Variants in CDH18 observed in about 807,000 individuals in gnomAD.
The protein encoded by CDH18 is cadherin-18.
A neutral mutation model predicts 67.9 loss-of-function variants in CDH18; 31 were observed. The ratio of observed to expected loss-of-function variants is 0.46; its 90% CI spans 0.34 to 0.62. The LOEUF (loss-of-function observed/expected upper bound fraction) is 0.62. Ranked by LOEUF, CDH18 falls within the 20% of genes least tolerant of loss-of-function variation. The probability of loss-of-function intolerance (pLI) is 0.01; values close to 1 mark genes in which losing one functional copy is unlikely to be tolerated. For synonymous variants in CDH18, 362 were observed against 347.2 expected (o/e 1.04, Z -0.48); for missense variants, 890 against 975.5 (o/e 0.91, Z 1.17).
chr5:20,058,997 T>C (rs1742233910), intron 2 of CDH18, among the ~76,000 whole-genome samples: 1 of 152,110 alleles, frequency 6.6e-6, no homozygotes, highest in South Asian at 2.1e-4. Context: ...TTGTTATTGG[T>C]CTATTCAGGG....
intron 1 of CDH18, among the ~76,000 whole-genome samples, chr5:20,380,311 T>G (rs1487113190): frequency 6.6e-6 from 1 of 152,176 alleles, no homozygotes; most frequent in African/African-American, 2.4e-5. Context: ...ATCCTAAACT[T>G]CATTTCTCTC....
At chr5:20,487,139 G>T (rs1334945940) in intron 1 of CDH18, among the ~76,000 whole-genome samples, 1 of 152,124 alleles carries the variant, frequency 6.6e-6, no homozygotes, top group East Asian at 1.9e-4. Context: ...GTGGTTGCAG[G>T]TTCTTGAAAC....
At chr5:20,431,793 CT>C (rs1225448909) in intron 1 of CDH18, among the ~76,000 whole-genome samples, 1 of 152,150 alleles carries the variant, frequency 6.6e-6, no homozygotes, top group Non-Finnish European at 1.5e-5. Context: ...ATAATCCTTT[CT>C]TCAAATAAAC....
At chr5:20,455,582 C>T (rs969599637) in intron 1 of CDH18, among the ~76,000 whole-genome samples, 12 of 151,822 alleles carry the variant, frequency 7.9e-5, no homozygotes, top group African/African-American at 2.7e-4. Context: ...GGTCAATATG[C>T]CTTATGTAGA....
chr5:19,960,294 A>T (rs746584098), intron 2 of CDH18, among the ~76,000 whole-genome samples: 1 of 151,882 alleles, frequency 6.6e-6, no homozygotes, highest in Non-Finnish European at 1.5e-5. Flanking sequence ...TTATCTCTTT[A>T]TTCTACAAGC....
intron 6 of CDH18, among the ~76,000 whole-genome samples, chr5:19,604,777 C>T (rs1019488642): frequency 2.0e-5 from 3 of 151,918 alleles, no homozygotes; most frequent in African/African-American, 4.8e-5. Flanking sequence ...TCTTTAAAAT[C>T]GTTTAACCCA....
chr5:19,804,512 A>G (rs1464093735), intron 3 of CDH18, among the ~76,000 whole-genome samples: 2 of 152,146 alleles, frequency 1.3e-5, no homozygotes, highest in Non-Finnish European at 2.9e-5. Context: ...CAAAATCCCA[A>G]TCAAATTATT....
chr5:19,730,902 T>TA (rs1581100776), intron 4 of CDH18, among the ~76,000 whole-genome samples: 1 of 152,188 alleles, frequency 6.6e-6, no homozygotes, highest in Non-Finnish European at 1.5e-5. Context: ...CTACTATATA[T>TA]TTTTTAGGAG....
In CDH18 at chr5:19,472,096, C is replaced by T. The variant is rs1292414498; in HGVS notation, c.*1130G>A. ...GTCCTACACATTTTCCTGTTGATAC[C>T]AAACTAATTATCAGTGAGATGGAAA... is the stretch of plus-strand genomic sequence containing the variant. On this transcript the variant is annotated 3_prime_UTR_variant, in exon 13 of 13. Coordinates refer to ENST00000382275, the MANE Select transcript of CDH18 (RefSeq NM_004934.5). 6.6e-6 allele frequency among the ~76,000 whole-genome samples: 1 copy of T among 152,040 alleles called. No individual in the cohort carries two copies. Among genetic ancestry groups the T allele is most frequent in the Admixed American group, 6.6e-5 (1 of 15,234 alleles).
chr5:20,095,291 C>T (rs1375191169), intron 2 of CDH18, among the ~76,000 whole-genome samples: 1 of 118,634 alleles, frequency 8.4e-6, no homozygotes, highest in African/African-American at 3.3e-5. Flanking sequence ...TATCCCAGAA[C>T]TTAAAGTAAA....
intron 2 of CDH18, among the ~76,000 whole-genome samples, chr5:20,073,018 A>G (rs747015402): frequency 6.7e-6 from 1 of 150,138 alleles, no homozygotes; most frequent in Admixed American, 6.6e-5. Flanking sequence ...GCTCTTAAAC[A>G]TATTTCTTAG....
intron 4 of CDH18, among the ~76,000 whole-genome samples, chr5:19,729,833 T>C (rs893582389): frequency 2.6e-5 from 4 of 152,190 alleles, no homozygotes; most frequent in African/African-American, 9.7e-5. Flanking sequence ...TTATCTCAAA[T>C]TGATTTCCTA....
intron 3 of CDH18, among the ~76,000 whole-genome samples, chr5:19,817,760 T>TA (rs1015798395): frequency 2.0e-5 from 3 of 151,760 alleles, no homozygotes; most frequent in African/African-American, 7.3e-5. Flanking sequence ...GTATGATATA[T>TA]TTTTTTGAGG....
chr5:20,485,349 G>T (rs1253731083), intron 1 of CDH18, among the ~76,000 whole-genome samples: 1 of 152,096 alleles, frequency 6.6e-6, no homozygotes, highest in Non-Finnish European at 1.5e-5. Flanking sequence ...GTCATTCAAA[G>T]AACTAACACA....
intron 2 of CDH18, among the ~76,000 whole-genome samples, chr5:20,028,662 T>G (rs142987530): frequency 5.9e-4 from 90 of 152,282 alleles, no homozygotes; most frequent in African/African-American, 2.0e-3. Flanking sequence ...ACAATCACTT[T>G]GTATTGGGCA....
At chr5:19,682,932 G>A (rs572703918) in intron 5 of CDH18, among the ~76,000 whole-genome samples, 1 of 151,956 alleles carries the variant, frequency 6.6e-6, no homozygotes, top group East Asian at 1.9e-4. Flanking sequence ...TTACTACTAC[G>A]GGAGTTAATT....
intron 1 of CDH18, among the ~76,000 whole-genome samples, chr5:20,516,992 T>A (rs1480394388): frequency 1.3e-5 from 2 of 151,964 alleles, no homozygotes; most frequent in Non-Finnish European, 2.9e-5. Flanking sequence ...GCAATGAAAA[T>A]CTATTTCATC....
intron 1 of CDH18, among the ~76,000 whole-genome samples, chr5:20,545,553 G>A (rs745831004): frequency 3.9e-5 from 6 of 152,156 alleles, no homozygotes; most frequent in Non-Finnish European, 8.8e-5. Context: ...GCCAAGGTTG[G>A]GTCTGAAGCC....
chr5:19,713,362 A>G (rs1764955609), intron 5 of CDH18, among the ~76,000 whole-genome samples: 1 of 152,108 alleles, frequency 6.6e-6, no homozygotes, highest in Admixed American at 6.6e-5. Flanking sequence ...GAAGAAGTAC[A>G]TTCAATTGGT....
Sources: allele counts gnomAD v4.1 joint callset (sites outside exome capture counted in the v4.1 genomes callset), GRCh38; gene constraint gnomAD v4.1.1; transcripts MANE v1.5; gene names NCBI Gene and HGNC (gene_info 2026-07-23, HGNC 2026-07-21).